C5orf58: variants seen among roughly 807,000 people sequenced by gnomAD.
C5orf58 encodes the protein chromosome 5 open reading frame 58.
A neutral mutation model predicts 2.9 loss-of-function variants in C5orf58; 2 were observed. The observed-to-expected ratio is 0.69, with a 90% CI of 0.28 to 2.18. The LOEUF is 2.18. Ranked by LOEUF, C5orf58 falls within the 30% of genes most tolerant of loss-of-function variation. The pLI is 0.13. For synonymous variants in C5orf58, 37 were observed against 33.4 expected (o/e 1.11, Z -0.37); for missense variants, 96 against 91.7 (o/e 1.05, Z -0.19).
chr5:170,245,066 G>T (rs1412111145), intron 3 of C5orf58, among the ~76,000 whole-genome samples: 1 of 152,038 alleles, frequency 6.6e-6, no homozygotes. Flanking sequence ...GCCCCTGCTG[G>T]GGGGTGCCTC....
chr5:170,247,218 A>G (rs1380292312), downstream of C5orf58: 1 of 152,210 alleles, frequency 6.6e-6, no homozygotes, highest in East Asian at 1.9e-4. Context: ...GTAGACGTGT[A>G]AATGAATGCA....
downstream of C5orf58, chr5:170,250,807 T>C: frequency 6.2e-7 from 1 of 1,612,152 alleles, no homozygotes; most frequent in South Asian, 1.1e-5. Flanking sequence ...TTGTAAACTT[T>C]ATCTTTGTAC....
intron 3 of C5orf58, chr5:170,237,232 A>G: frequency 2.5e-6 from 1 of 398,400 alleles, no homozygotes; most frequent in Non-Finnish European, 4.4e-6. Flanking sequence ...AGAGGATTAA[A>G]TGAACACTCT....
At chr5:170,245,520 G>C (rs1761233655) in intron 3 of C5orf58, among the ~76,000 whole-genome samples, 1 of 152,160 alleles carries the variant, frequency 6.6e-6, no homozygotes, top group South Asian at 2.1e-4. Context: ...TATTCAGGTG[G>C]GAGTGACCCG....
At chr5:170,248,805 CACAG>C (rs769796319), downstream of C5orf58, 3 of 1,612,338 alleles carry the variant, frequency 1.9e-6, no homozygotes, top group Non-Finnish European at 2.5e-6. Context: ...TAATATCTGA[CACAG>C]ACAGAAAGTC....
chr5:170,234,315 T>A (rs1050967526), intron 2 of C5orf58, 117 bp downstream of exon 2: 2 of 530,534 alleles, frequency 3.8e-6, no homozygotes, highest in Non-Finnish European at 6.8e-6. Context: ...TTTGAGAGAC[T>A]GAACAGCTTA....
At chr5:170,247,076 G>A (rs753656428), downstream of C5orf58, 1 of 152,126 alleles carries the variant, frequency 6.6e-6, no homozygotes, top group Admixed American at 6.5e-5. Context: ...GATAGAATAC[G>A]GCAAAGCAAG....
At chr5:170,246,300 A>G (rs994216226), downstream of C5orf58, 3 of 484,362 alleles carry the variant, frequency 6.2e-6, no homozygotes, top group African/African-American at 1.9e-5. Context: ...TGGCAAGTGT[A>G]TGACATAGGA....
At chr5:170,250,197 C>T (rs148110205), downstream of C5orf58, among the ~76,000 whole-genome samples, 1,253 of 152,226 alleles carry the variant, frequency 8.2e-3, 13 homozygotes, top group Middle Eastern at 0.02. Flanking sequence ...TCTTTCCATC[C>T]GTTCTGATTA....
chr5:170,240,075 T>G (rs959320641), intron 3 of C5orf58, among the ~76,000 whole-genome samples: 1 of 150,430 alleles, frequency 6.6e-6, no homozygotes, highest in Non-Finnish European at 1.5e-5. Context: ...GATTTCCAAT[T>G]TCATCCATGT....
chr5:170,239,834 T>C (rs1760910714), intron 3 of C5orf58, among the ~76,000 whole-genome samples: 1 of 152,138 alleles, frequency 6.6e-6, no homozygotes, highest in South Asian at 2.1e-4. Context: ...TGCAGGTTAG[T>C]TACATATGTA....
chr5:170,235,044 T>C lies in C5orf58; in HGVS notation c.68T>C (p.Ile23Thr). ...VDKVIKNINT[I>T]SSELKKIKEL... ...AAAGTAATTAAAAATATTAACACAATTTCTTCGGAGTTGAAGAAGATAAAA... is the reference window on the plus strand; with the variant it reads ...AAAGTAATTAAAAATATTAACACAACTTCTTCGGAGTTGAAGAAGATAAAA... The change falls in exon 3 of 4, where the codon ATT becomes ACT. Residue 23 changes from isoleucine (I) to threonine (T), a missense_variant. Coordinates refer to ENST00000593851, the MANE Select transcript of C5orf58 (RefSeq NM_001102609.3). The C allele has an allele frequency of 6.6e-7, 1 of 1,520,616 alleles. No individual in the cohort carries two copies. The highest frequency in any genetic ancestry group is 1.2e-5 in the South Asian group (1 of 84,636). 94.2% of individuals were successfully genotyped at this position (1,520,616 alleles called of 1,614,324 possible).
chr5:170,245,360 C>T (rs1761220636), intron 3 of C5orf58, among the ~76,000 whole-genome samples: 1 of 152,336 alleles, frequency 6.6e-6, no homozygotes, highest in East Asian at 1.9e-4. Context: ...TGGTGGGCGC[C>T]CCTCCCCCAG....
chr5:170,243,389 C>A, intron 3 of C5orf58, among the ~76,000 whole-genome samples: 1 of 128,380 alleles, frequency 7.8e-6, no homozygotes, highest in Non-Finnish European at 1.7e-5. Flanking sequence ...GTTAAAGTCT[C>A]CCATTATTAA....
At chr5:170,245,039 G>A (rs184574241) in intron 3 of C5orf58, among the ~76,000 whole-genome samples, 1,746 of 150,898 alleles carry the variant, frequency 0.012, 12 homozygotes, top group Non-Finnish European at 0.018. Context: ...ATACCCTGCC[G>A]TGTGAGGTGT....
chr5:170,236,239 G>A (rs143361361), intron 3 of C5orf58, among the ~76,000 whole-genome samples: 2 of 152,028 alleles, frequency 1.3e-5, no homozygotes, highest in African/African-American at 4.8e-5. Context: ...ATGGCCGTTC[G>A]TTAGGCACCA....
chr5:170,239,643 A>G (rs1760894731), intron 3 of C5orf58, among the ~76,000 whole-genome samples: 1 of 152,222 alleles, frequency 6.6e-6, no homozygotes, highest in Admixed American at 6.5e-5. Context: ...ATAGATAAAA[A>G]TAAGTTAAAA....
rs764182968 is a variant in C5orf58 at position 170,235,029 on chromosome 5, A to C, written c.53A>C (p.Lys18Thr). ...AAGCTAAATGTGGACAAAGTAATTA[A>C]AAATATTAACACAATTTCTTCGGAG... ...DHKLNVDKVI[K>T]NINTISSELK... Residue 18 changes from lysine (K) to threonine (T), a missense_variant, in exon 3 of 4, where the codon AAA becomes ACA. Lys to Thr is a moderately conservative substitution (Grantham distance 78). Coordinates refer to ENST00000593851, the MANE Select transcript of C5orf58 (RefSeq NM_001102609.3). The C allele has an allele frequency of 1.2e-5, 18 of 1,548,590 alleles. No individual in the cohort carries two copies. The highest frequency in any genetic ancestry group is 1.6e-5 in the Non-Finnish European group (18 of 1,130,258).
chr5:170,247,025 A>T (rs1344735735), downstream of C5orf58: 1 of 152,214 alleles, frequency 6.6e-6, no homozygotes, highest in Non-Finnish European at 1.5e-5. Context: ...TTGCTTTGAA[A>T]TCTATCAGGT....
Sources: gnomAD v4.1 joint callset for allele counts (sites outside exome capture counted in the v4.1 genomes callset) on GRCh38, gnomAD v4.1.1 for gene constraint, MANE v1.5 for transcripts, NCBI Gene and HGNC (gene_info 2026-07-23, HGNC 2026-07-21) for gene names.